The following RFT1 variants were observed in gnomAD, a reference collection of about 807,000 sequenced individuals.
RFT1 encodes the protein man(5)GlcNAc(2)-PP-dolichol translocation protein RFT1.
In RFT1, 43 loss-of-function variants were observed where a neutral mutation model predicts 62.2. The observed-to-expected ratio is 0.69, with a 90% confidence interval of 0.54 to 0.89. RFT1 has a LOEUF of 0.89. RFT1 is among the 40% of genes least tolerant of loss of function. The pLI, the probability that RFT1 is intolerant of heterozygous loss-of-function variation, is 0.00. For missense variants in RFT1, 605 were observed against 649.9 expected, an observed-to-expected ratio of 0.93 and a Z score of 0.75; for synonymous variants, 262 against 264.6, an observed-to-expected ratio of 0.99 and a Z score of 0.10.
Position 53,098,605 on chromosome 3 carries a change from A to G in RFT1, c.1208+776T>C, listed in dbSNP as rs574506240. ...ATCACAAGGTCAGGAGATCGAGACC[A>G]ACCTGGCTGACACGGTGAAACCCCA... On this transcript the variant is annotated intron_variant, in intron 11 of 12. Coordinates refer to ENST00000296292, the MANE Select transcript of RFT1 (RefSeq NM_052859.4). Among the ~76,000 whole-genome samples the G allele has an allele frequency of 3.0e-4, 45 of 152,196 alleles. 1 individual carries two copies. The highest frequency in any genetic ancestry group is 3.4e-3 in the Middle Eastern group (1 of 294).
chr3:53,130,056 C>G (rs1029884525), intron 1 of RFT1, among the ~76,000 whole-genome samples: 12 of 152,216 alleles, frequency 7.9e-5, no homozygotes, highest in African/African-American at 2.9e-4. Flanking sequence ...CCCCCGCCAC[C>G]TGATCTAATT....
chr3:53,088,980 C>A lies in RFT1; in HGVS notation c.*2923G>T, dbSNP rs1670462868. On this transcript the variant is annotated 3_prime_UTR_variant, in exon 13 of 13. Coordinates refer to ENST00000296292, the MANE Select transcript of RFT1 (RefSeq NM_052859.4). ...TGAAACCCTGTCTCTACTAAAAATA[C>A]AAAAATTAGCCGGGTGTGGTGGCAG... is the stretch of plus-strand genomic sequence containing the variant. 1 of 151,772 alleles carries A rather than the reference C, an allele frequency of 6.6e-6. No individual in the cohort carries two copies. The highest frequency in any genetic ancestry group is 1.5e-5 in the Non-Finnish European group (1 of 67,968). The allele number at this position is 151,772 out of a possible 1,614,324, so 9.4% of individuals were successfully genotyped here. A position where few individuals can be genotyped will look rare whatever the true frequency, so the allele number is the denominator to read the frequency against.
At chr3:53,087,116 C>A, downstream of RFT1, among the ~76,000 whole-genome samples, 1 of 152,166 alleles carries the variant, frequency 6.6e-6, no homozygotes, top group East Asian at 1.9e-4. Flanking sequence ...TGCATGCCTG[C>A]AGTCCCAGCT....
rs143197933 is a variant in RFT1 at position 53,103,056 on chromosome 3, T to G, written c.1102+897A>C. 1.9e-5 allele frequency: 18 copies of G among 966,136 alleles called. No individual in the cohort carries two copies. The East Asian group carries it at 8.0e-4, about 43-fold the overall frequency. The allele number at this position is 966,136 out of a possible 1,614,324, so 59.8% of individuals were successfully genotyped here. ...CAAGCCCCAGGGAGCTGCAAACCACTTCACTGGTTTCACAGCAGGTGTTTC... is the reference window on the plus strand; with the variant it reads ...CAAGCCCCAGGGAGCTGCAAACCACGTCACTGGTTTCACAGCAGGTGTTTC... On this transcript the variant is annotated intron_variant, in intron 10 of 12. Coordinates refer to ENST00000296292, the MANE Select transcript of RFT1 (RefSeq NM_052859.4).
intron 2 of RFT1, 45 bp from the exon 3 acceptor site, chr3:53,123,885 TAGAG>T (rs772775534): frequency 6.8e-7 from 1 of 1,475,640 alleles, no homozygotes; most frequent in East Asian, 2.3e-5. Context: ...AGTTTTTTCA[TAGAG>T]AGAACTTCTG....
At chr3:53,104,469 T>C (rs559516100) in intron 9 of RFT1, among the ~76,000 whole-genome samples, 1 of 152,026 alleles carries the variant, frequency 6.6e-6, no homozygotes, top group South Asian at 2.1e-4. Context: ...CCTCAAGCAA[T>C]CCTCCTGCCT....
chr3:53,073,501 C>T, the RFT1 span, among the ~76,000 whole-genome samples: 1 of 152,244 alleles, frequency 6.6e-6, no homozygotes, highest in African/African-American at 2.4e-5. Flanking sequence ...TAAAGCAGGC[C>T]TTTCCTTGCC....
At chr3:53,129,972 A>G (rs1221240353) in intron 1 of RFT1, among the ~76,000 whole-genome samples, 3 of 152,206 alleles carry the variant, frequency 2.0e-5, no homozygotes, top group Non-Finnish European at 4.4e-5. Flanking sequence ...AGTTTGAGGA[A>G]GGTGTTTGAT....
chr3:53,105,615 T>C (rs1282968321), intron 9 of RFT1, 58 bp downstream of exon 9: 1 of 1,588,230 alleles, frequency 6.3e-7, no homozygotes, highest in Non-Finnish European at 8.6e-7. Flanking sequence ...CACACTCCTG[T>C]CTGTCTTGCA....
At chr3:53,119,722 A>G (rs1225095603) in intron 6 of RFT1, among the ~76,000 whole-genome samples, 162 bp downstream of exon 6, 4 of 152,278 alleles carry the variant, frequency 2.6e-5, no homozygotes, top group Non-Finnish European at 5.9e-5. Context: ...TCCACAGTGC[A>G]AAGATTTAGA....
At chr3:53,067,293 G>A in the RFT1 span, among the ~76,000 whole-genome samples, 1 of 152,220 alleles carries the variant, frequency 6.6e-6, no homozygotes, top group Non-Finnish European at 1.5e-5. Flanking sequence ...AGGCTGCAGC[G>A]AGCCGTGATG....
At chr3:53,109,061 T>G (rs1015818466) in intron 7 of RFT1, among the ~76,000 whole-genome samples, 4 of 152,140 alleles carry the variant, frequency 2.6e-5, no homozygotes, top group African/African-American at 9.7e-5. Context: ...CATTTTGGAT[T>G]CCCTTTGCCA....
chr3:53,099,406 C>T lies in RFT1; in HGVS notation c.1183G>A (p.Ala395Thr), dbSNP rs765115802. The change falls in exon 11 of 13, where the codon GCC becomes ACC. Residue 395 changes from alanine to threonine, a missense_variant. Ala to Thr is a moderately conservative substitution (Grantham distance 58). Coordinates refer to ENST00000296292, the MANE Select transcript of RFT1 (RefSeq NM_052859.4). ...CTGTCGACCTCCTCTTTGCTCATGG[C>T]AGCAAATGTGAAACACTCTGTCACT... ...NGVTECFTFAAMSKEEVDRYN... is the reference protein window; with the variant it reads ...NGVTECFTFATMSKEEVDRYN... 21 of 1,613,942 alleles carry T rather than the reference C, an allele frequency of 1.3e-5. No homozygotes were observed. In the Admixed American group the frequency reaches 3.5e-4, roughly 27 times the overall value.
chr3:53,108,867 C>T (rs1701568125), intron 7 of RFT1, among the ~76,000 whole-genome samples: 1 of 151,896 alleles, frequency 6.6e-6, no homozygotes, highest in Admixed American at 6.6e-5. Flanking sequence ...TGGGGTTTCA[C>T]TGTGCTAGCC....
At chr3:53,099,511 C>T (rs1701251164) in intron 10 of RFT1, 25 bp from the exon 11 acceptor site, 1 of 1,579,578 alleles carries the variant, frequency 6.3e-7, no homozygotes, top group East Asian at 2.2e-5. Context: ...CTCACTGAGA[C>T]TCCAGAGCCC....
chr3:53,123,574 G>C (rs568406392), intron 3 of RFT1, 150 bp downstream of exon 3: 3 of 687,230 alleles, frequency 4.4e-6, no homozygotes. Flanking sequence ...CACAAACACT[G>C]TCCCCGTCTT....
chr3:53,078,825 C>T, the RFT1 span, among the ~76,000 whole-genome samples: 2 of 152,346 alleles, frequency 1.3e-5, no homozygotes, highest in East Asian at 3.9e-4. Flanking sequence ...CCTTGGTATG[C>T]ACAGGCCCAC....
chr3:53,092,473 G>C lies in RFT1; in HGVS notation c.1354C>G (p.Arg452Gly). ...CTGTGGGGGCTCCTTCGGTAGTAGC[G>C]GTGGATGAAGCAAAGGCTCTGCGTG... ...RITQSLCFIHRYYRRSPHRPL... is the reference protein window; with the variant it reads ...RITQSLCFIHGYYRRSPHRPL... Residue 452 changes from arginine (R) to glycine (G), a missense_variant, in exon 12 of 13, where the codon CGC (arginine) becomes GGC (glycine). Physicochemically the swap from Arg to Gly is moderately radical, Grantham distance 125. Coordinates refer to ENST00000296292, the MANE Select transcript of RFT1 (RefSeq NM_052859.4). 1 of 1,612,336 alleles carries C rather than the reference G, an allele frequency of 6.2e-7. No individual in the cohort carries two copies. The highest frequency in any genetic ancestry group is 8.5e-7 in the Non-Finnish European group (1 of 1,179,542).
At chr3:53,079,939 G>GGGGTGCAGGGGTGTCCTCGTGGGCCA in the RFT1 span, among the ~76,000 whole-genome samples, 5,001 of 152,174 alleles carry the variant, frequency 0.033, 293 homozygotes, top group African/African-American at 0.11. Flanking sequence ...AGGCCATGTG[G>GGGGTGCAGGGGTGTCCTCGTGGGCCA]GGGTGCAGGG....
Sources: gnomAD v4.1 joint callset for allele counts (sites outside exome capture counted in the v4.1 genomes callset) on GRCh38, gnomAD v4.1.1 for gene constraint, MANE v1.5 for transcripts, NCBI Gene and HGNC (gene_info 2026-07-23, HGNC 2026-07-21) for gene names.